The following LRRC4C variants were observed in gnomAD, a reference collection of about 807,000 sequenced individuals.
LRRC4C encodes the protein leucine rich repeat containing 4C.
LRRC4C carries 5 observed loss-of-function variants against 33.6 expected under a neutral mutation model. The ratio of observed to expected loss-of-function variants is 0.15; its 90% CI spans 0.08 to 0.31. LRRC4C has a LOEUF of 0.31. Ranked by LOEUF, LRRC4C falls within the 10% of genes least tolerant of loss-of-function variation. The pLI, the probability that LRRC4C is intolerant of heterozygous loss-of-function variation, is 1.00. For synonymous variants in LRRC4C, 329 were observed against 302.0 expected (o/e 1.09, Z -0.93); for missense variants, 560 against 796.7 (o/e 0.70, Z 3.58).
chr11:40,201,409 A>G (rs1275328769), intron 5 of LRRC4C, among the ~76,000 whole-genome samples: 1 of 152,118 alleles, frequency 6.6e-6, no homozygotes, highest in Non-Finnish European at 1.5e-5. Context: ...GAAATGCATC[A>G]TTGTTACTAG....
At chr11:41,143,751 A>G (rs765528377) in intron 1 of LRRC4C, among the ~76,000 whole-genome samples, 3 of 152,190 alleles carry the variant, frequency 2.0e-5, no homozygotes, top group Non-Finnish European at 4.4e-5. Flanking sequence ...GCATGGGGCC[A>G]TCATAATTCC....
intron 2 of LRRC4C, among the ~76,000 whole-genome samples, chr11:40,698,489 T>C (rs1945693811): frequency 6.6e-6 from 1 of 151,918 alleles, no homozygotes; most frequent in Non-Finnish European, 1.5e-5. Flanking sequence ...TAAATCCTAA[T>C]CAGTCTTGCC....
intron 5 of LRRC4C, among the ~76,000 whole-genome samples, chr11:40,208,315 G>C (rs2135794089): frequency 6.6e-6 from 1 of 152,280 alleles, no homozygotes; most frequent in East Asian, 1.9e-4. Flanking sequence ...CACTGGGAGG[G>C]AGGGAAGTCA....
At chr11:40,681,259 C>A (rs1340658583) in intron 2 of LRRC4C, among the ~76,000 whole-genome samples, 1 of 152,124 alleles carries the variant, frequency 6.6e-6, no homozygotes, top group African/African-American at 2.4e-5. Context: ...TACAAGAGTA[C>A]ATAAATACAG....
intron 1 of LRRC4C, among the ~76,000 whole-genome samples, chr11:41,251,783 G>T (rs757706834): frequency 6.6e-6 from 1 of 152,088 alleles, no homozygotes; most frequent in Non-Finnish European, 1.5e-5. Context: ...CACTCTTGTG[G>T]CTTTACCATA....
At chr11:40,383,779 G>A (rs1003168008) in intron 3 of LRRC4C, among the ~76,000 whole-genome samples, 2 of 151,444 alleles carry the variant, frequency 1.3e-5, no homozygotes, top group Non-Finnish European at 2.9e-5. Flanking sequence ...TAAATTCCTG[G>A]GCTGAGGTGA....
At chr11:40,346,839 A>T (rs1315454664) in intron 3 of LRRC4C, among the ~76,000 whole-genome samples, 6 of 152,222 alleles carry the variant, frequency 3.9e-5, no homozygotes, top group Admixed American at 2.6e-4. Context: ...GATTTCAACA[A>T]TGAGTTTAAA....
At chr11:40,576,932 C>A (rs147353269) in intron 3 of LRRC4C, among the ~76,000 whole-genome samples, 173 of 152,182 alleles carry the variant, frequency 1.1e-3, no homozygotes, top group African/African-American at 4.0e-3. Flanking sequence ...TAACACTGAG[C>A]CTTTGAGGCT....
chr11:40,748,373 A>G (rs1332594802), intron 2 of LRRC4C, among the ~76,000 whole-genome samples: 1 of 152,186 alleles, frequency 6.6e-6, no homozygotes, highest in Non-Finnish European at 1.5e-5. Context: ...TAGGGAATTC[A>G]TCTCCACTAG....
At chr11:40,845,463 G>A (rs2135691898) in intron 2 of LRRC4C, among the ~76,000 whole-genome samples, 1 of 152,226 alleles carries the variant, frequency 6.6e-6, no homozygotes, top group Admixed American at 6.5e-5. Flanking sequence ...AGTTTGCTGA[G>A]GACAATGGTT....
At chr11:40,913,073 C>A (rs543521257) in intron 2 of LRRC4C, among the ~76,000 whole-genome samples, 1 of 152,276 alleles carries the variant, frequency 6.6e-6, no homozygotes, top group South Asian at 2.1e-4. Context: ...TACAAAGAGA[C>A]TTAGACTCCC....
rs184950317 is a variant in LRRC4C at position 40,918,407 on chromosome 11, G to A, written c.-407+15228C>T. ...ATTTATATTTATATTTATATATATG[G>A]AATCAAATTTGTAAAATGAACAACT... On this transcript the variant is annotated intron_variant, in intron 2 of 6. Coordinates refer to ENST00000528697, the MANE Select transcript of LRRC4C (RefSeq NM_001258419.2). Among the ~76,000 whole-genome samples the A allele has an allele frequency of 5.8e-3, 882 of 151,476 alleles. 4 individuals are homozygous for A. Among genetic ancestry groups the A allele is most frequent in the Non-Finnish European group, 9.6e-3 (654 of 67,824 alleles).
intron 1 of LRRC4C, among the ~76,000 whole-genome samples, chr11:41,154,981 G>T (rs1382378724): frequency 2.0e-5 from 3 of 152,140 alleles, no homozygotes; most frequent in Admixed American, 6.6e-5. Flanking sequence ...GCTTAGGAAA[G>T]GGATGATGAC....
At position 40,240,136 on chromosome 11, in the gene LRRC4C, T is replaced by TA. The variant is rs905395794; in HGVS notation, c.-96+1382dup. On this transcript the variant is annotated intron_variant, in intron 5 of 6. Coordinates refer to ENST00000528697, the MANE Select transcript of LRRC4C (RefSeq NM_001258419.2). The stretch of plus-strand genomic sequence containing the variant: ...TCTTTGCTCTAAACCATAACTTTAT[T>TA]AAAAAAAACTATTTGCTTTTCGCAC... 5.3e-5 allele frequency among the ~76,000 whole-genome samples: 8 copies of TA among 152,100 alleles called. No homozygotes were observed. The East Asian group carries it at 7.7e-4, about 15-fold the overall frequency.
chr11:40,540,637 A>T (rs1956668657), intron 3 of LRRC4C, among the ~76,000 whole-genome samples: 1 of 152,146 alleles, frequency 6.6e-6, no homozygotes, highest in African/African-American at 2.4e-5. Context: ...TGACAATTTC[A>T]GTCCTTACTA....
At chr11:41,149,664 G>A (rs1049961208) in intron 1 of LRRC4C, among the ~76,000 whole-genome samples, 6 of 152,144 alleles carry the variant, frequency 3.9e-5, no homozygotes, top group African/African-American at 1.4e-4. Flanking sequence ...ATGAAGAAGG[G>A]AGAACAGTGT....
intron 1 of LRRC4C, among the ~76,000 whole-genome samples, chr11:41,100,134 A>G (rs1210306452): frequency 6.6e-6 from 1 of 152,150 alleles, no homozygotes. Context: ...CAAAACAAAA[A>G]TCCACCTAGG....
At chr11:41,090,674 G>A (rs532265550) in intron 1 of LRRC4C, among the ~76,000 whole-genome samples, 1 of 152,164 alleles carries the variant, frequency 6.6e-6, no homozygotes, top group East Asian at 1.9e-4. Context: ...ATCCCCACAT[G>A]TTGAAGGAGG....
At chr11:40,968,505 T>A (rs955356347) in intron 1 of LRRC4C, among the ~76,000 whole-genome samples, 1 of 152,148 alleles carries the variant, frequency 6.6e-6, no homozygotes, top group Non-Finnish European at 1.5e-5. Flanking sequence ...CATAGCTAAT[T>A]TGGAGAATTC....
Sources: allele counts gnomAD v4.1 joint callset (sites outside exome capture counted in the v4.1 genomes callset), GRCh38; gene constraint gnomAD v4.1.1; transcripts MANE v1.5; gene names NCBI Gene and HGNC (gene_info 2026-07-23, HGNC 2026-07-21).